PHF14: variants seen among roughly 807,000 people sequenced by gnomAD.
PHF14 encodes PHD finger protein 14.
PHF14 carries 55 observed loss-of-function variants against 117.9 expected under a neutral mutation model. That is an observed-to-expected ratio of 0.47 (90% CI 0.38 to 0.58). The LOEUF (loss-of-function observed/expected upper bound fraction) is 0.58. Ranked by LOEUF, PHF14 falls within the 20% of genes least tolerant of loss-of-function variation. The probability of loss-of-function intolerance (pLI) is 0.00; values close to 1 mark genes in which losing one functional copy is unlikely to be tolerated. For synonymous variants in PHF14, 409 were observed against 368.6 expected (o/e 1.11, Z -1.26); for missense variants, 978 against 1,122.2 (o/e 0.87, Z 1.84).
intron 16 of PHF14, chr7:11,102,599 A>C: frequency 6.3e-7 from 1 of 1,580,412 alleles, no homozygotes; most frequent in Non-Finnish European, 8.6e-7. Flanking sequence ...AGAGTACATA[A>C]AGTAAAGGAG....
At chr7:11,061,505 A>T (rs1395440177) in intron 14 of PHF14, 1 of 211,244 alleles carries the variant, frequency 4.7e-6, no homozygotes, top group Admixed American at 5.6e-5. Context: ...GTGTGGAGAA[A>T]ATCCTTTAAA....
At chr7:10,974,460 C>G (rs754666059) in intron 1 of PHF14, 136 bp downstream of exon 1, 1 of 778,384 alleles carries the variant, frequency 1.3e-6, no homozygotes, top group Non-Finnish European at 2.2e-6. Flanking sequence ...CCATGGTCCG[C>G]GGGAATGAAG....
intron 4 of PHF14, among the ~76,000 whole-genome samples, chr7:11,000,007 A>G (rs190407451): frequency 2.2e-4 from 33 of 152,302 alleles, no homozygotes; most frequent in Non-Finnish European, 4.0e-4. Flanking sequence ...GAAAGTAGAG[A>G]AGGAGAGGGA....
intron 16 of PHF14, 159 bp downstream of exon 16, chr7:11,062,244 C>T (rs1785251868): frequency 5.7e-6 from 3 of 528,810 alleles, no homozygotes; most frequent in Admixed American, 3.6e-5. Context: ...CACTTCTTAA[C>T]CTCTCACACA....
chr7:11,159,696 A>T (rs903181558), intron 17 of PHF14, among the ~76,000 whole-genome samples: 1 of 152,124 alleles, frequency 6.6e-6, no homozygotes, highest in African/African-American at 2.4e-5. Flanking sequence ...TAAAAGGTAC[A>T]AGGGATCTCT....
chr7:11,004,679 A>ATT (rs879301715), intron 4 of PHF14, among the ~76,000 whole-genome samples: 21 of 142,992 alleles, frequency 1.5e-4, no homozygotes, highest in Admixed American at 3.5e-4. Context: ...TTCAGTTTAA[A>ATT]TTTTTTTTTT....
chr7:11,156,177 CAT>C (rs1788844107), intron 17 of PHF14, among the ~76,000 whole-genome samples: 1 of 152,136 alleles, frequency 6.6e-6, no homozygotes, highest in Non-Finnish European at 1.5e-5. Context: ...GTAGCTAAGA[CAT>C]AACCAGTAAA....
In PHF14 at chr7:10,974,224, C is replaced by T. The variant is rs1562555996; in HGVS notation, c.-100C>T. On this transcript the variant is annotated 5_prime_UTR_variant, in exon 1 of 18. Coordinates refer to ENST00000634607, the MANE Select transcript of PHF14 (RefSeq NM_001007157.2). ...CGCGCCGGTTTTAAATAGCATCTTT[C>T]GGACTTGTCTTCGCGGCCCCAGTCC... 3 of 1,025,984 alleles carry T rather than the reference C, an allele frequency of 2.9e-6. No individual in the cohort carries two copies. The highest frequency in any genetic ancestry group is 1.6e-5 in the African/African-American group (1 of 62,900). 63.6% of individuals were successfully genotyped at this position (1,025,984 alleles called of 1,614,324 possible).
rs911538019 is a variant in PHF14 at position 11,161,856 on chromosome 7, A to G, written c.2773-7560A>G. Among the ~76,000 whole-genome samples, 8 of 150,304 alleles carry G rather than the reference A, an allele frequency of 5.3e-5. No homozygotes were observed. The East Asian group carries it at 5.8e-4, about 11-fold the overall frequency. On this transcript the variant is annotated intron_variant, in intron 17 of 17. Coordinates refer to ENST00000634607, the MANE Select transcript of PHF14 (RefSeq NM_001007157.2). ...TATTATAAATGAAGGAAAGTTACCA[A>G]TGTAGGAGCCTCTTAATATAGATTT...
At chr7:11,057,062 ACTTT>A (rs1330356375) in intron 14 of PHF14, among the ~76,000 whole-genome samples, 1 of 152,028 alleles carries the variant, frequency 6.6e-6, no homozygotes. Flanking sequence ...TATGTGACTT[ACTTT>A]AATTATTAAT....
At chr7:11,063,684 A>T (rs1785319572) in intron 16 of PHF14, 1 of 925,502 alleles carries the variant, frequency 1.1e-6, no homozygotes, top group Non-Finnish European at 1.3e-6. Context: ...CTTTTGTCAT[A>T]TATTGGAAAT....
intron 17 of PHF14, among the ~76,000 whole-genome samples, chr7:11,132,023 T>C (rs1788103758): frequency 6.6e-6 from 1 of 151,854 alleles, no homozygotes; most frequent in African/African-American, 2.4e-5. Context: ...GGGATACAGA[T>C]ATATGGTAAA....
At chr7:10,984,741 T>C (rs1317404136) in intron 3 of PHF14, among the ~76,000 whole-genome samples, 1 of 152,194 alleles carries the variant, frequency 6.6e-6, no homozygotes, top group Non-Finnish European at 1.5e-5. Flanking sequence ...TATCTGTTTA[T>C]TAAACCTGTA....
intron 16 of PHF14, among the ~76,000 whole-genome samples, chr7:11,072,352 T>G (rs1785641687): frequency 6.6e-6 from 1 of 152,210 alleles, no homozygotes. Flanking sequence ...TCTACCCCCG[T>G]GATCCAGTCA....
rs149931020 is a variant in PHF14, at chr7:11,004,898, T to A, written c.1046-8849T>A. ...TAAAAATACAAAAATTAGCCTGTAATCCCAGCTGGTTGGGAGGCTGAGGCA... is the reference window on the plus strand; with the variant it reads ...TAAAAATACAAAAATTAGCCTGTAAACCCAGCTGGTTGGGAGGCTGAGGCA... On this transcript the variant is annotated intron_variant, in intron 4 of 17. Coordinates refer to ENST00000634607, the MANE Select transcript of PHF14 (RefSeq NM_001007157.2). 2.7e-3 allele frequency among the ~76,000 whole-genome samples: 414 copies of A among 152,020 alleles called. 3 individuals are homozygous for A. The highest frequency in any genetic ancestry group is 9.7e-3 in the African/African-American group (401 of 41,450).
chr7:10,995,918 T>G (rs1333745066), intron 4 of PHF14, among the ~76,000 whole-genome samples: 1 of 151,732 alleles, frequency 6.6e-6, no homozygotes, highest in East Asian at 1.9e-4. Flanking sequence ...CCTCCACACC[T>G]CCCCGCAAGC....
intron 17 of PHF14, among the ~76,000 whole-genome samples, chr7:11,117,407 A>G (rs1440686445): frequency 2.0e-5 from 3 of 151,800 alleles, no homozygotes; most frequent in African/African-American, 7.2e-5. Flanking sequence ...TCCTTATAGG[A>G]GATTTTCTAG....
intron 3 of PHF14, among the ~76,000 whole-genome samples, chr7:10,989,205 A>G (rs1782357576): frequency 6.6e-6 from 1 of 152,234 alleles, no homozygotes; most frequent in African/African-American, 2.4e-5. Context: ...CCGCAATTTT[A>G]GATGTTATAC....
At chr7:10,975,154 CAG>C (rs1443642494) in intron 2 of PHF14, among the ~76,000 whole-genome samples, 1 of 152,146 alleles carries the variant, frequency 6.6e-6, no homozygotes, top group African/African-American at 2.4e-5. Flanking sequence ...AATTAGCAGT[CAG>C]GGGAAGGACT....
Sources: gnomAD v4.1 joint callset for allele counts (sites outside exome capture counted in the v4.1 genomes callset) on GRCh38, gnomAD v4.1.1 for gene constraint, MANE v1.5 for transcripts, NCBI Gene and HGNC (gene_info 2026-07-23, HGNC 2026-07-21) for gene names.